PPEF1: variants seen among roughly 807,000 people sequenced by gnomAD.
The protein encoded by PPEF1 is serine/threonine-protein phosphatase with EF-hands 1.
Under a neutral mutation model 53.3 loss-of-function variants are expected in PPEF1, and 12 were observed. That is an observed-to-expected ratio of 0.23 (90% CI 0.14 to 0.36). PPEF1 has a LOEUF of 0.36. Ranked by LOEUF, PPEF1 falls within the 10% of genes least tolerant of loss-of-function variation. The probability of loss-of-function intolerance (pLI) is 1.00; values close to 1 mark genes in which losing one functional copy is unlikely to be tolerated. For missense variants in PPEF1, 334 were observed against 490.4 expected, an observed-to-expected ratio of 0.68 and a Z score of 3.01; for synonymous variants, 165 against 176.7, an observed-to-expected ratio of 0.93 and a Z score of 0.52.
upstream of PPEF1, among the ~76,000 whole-genome samples, chrX:18,679,655 T>C (rs1054097421): frequency 9.0e-6 from 1 of 111,381 alleles, no homozygotes; most frequent in Non-Finnish European, 1.9e-5. Context: ...CAGACTATTC[T>C]CCACACAGTA....
Position 18,821,786 on chromosome X carries a change from AGAGAGAGAGAGAGAG to A in PPEF1, c.1502-2136_1502-2122del, listed in dbSNP as rs200398860. On this transcript the variant is annotated intron_variant, in intron 13 of 15. Transcript: ENST00000470157. ...GAGAGAGAGAGAGAGAGAGAGAGAGAGAGAGAGAGAGAGAGAGAAAACAAATAACCAGTGCAAGTG... is the reference window on the plus strand; with the variant it reads ...GAGAGAGAGAGAGAGAGAGAGAGAGAAGAAAACAAATAACCAGTGCAAGTG... Among the ~76,000 whole-genome samples the A allele has an allele frequency of 1.5e-3, 152 of 103,554 alleles. 1 individual carries two copies. The highest frequency in any genetic ancestry group is 4.8e-3 in the Middle Eastern group (1 of 208). The allele number at this position is 103,554 out of a possible 115,157, so 89.9% of individuals were successfully genotyped here.
intron 3 of PPEF1, among the ~76,000 whole-genome samples, chrX:18,687,610 G>T (rs1460493037): frequency 9.0e-6 from 1 of 111,120 alleles, no homozygotes; most frequent in African/African-American, 3.3e-5. Context: ...TCCTGGAAAT[G>T]GTAGCTAATA....
At chrX:18,802,289 C>T (rs993372471) in intron 10 of PPEF1, among the ~76,000 whole-genome samples, 2 of 110,516 alleles carry the variant, frequency 1.8e-5, no homozygotes, top group African/African-American at 6.6e-5. Flanking sequence ...CCAGGCTGCT[C>T]TTGAATTCCT....
At chrX:18,824,171 G>T in intron 14 of PPEF1, 85 bp downstream of exon 14, 2 of 980,150 alleles carry the variant, frequency 2.0e-6, no homozygotes, top group Non-Finnish European at 2.7e-6. Flanking sequence ...GCCGGGCACA[G>T]TGGCTCACGC....
At chrX:18,691,719 T>C (rs748224905) in intron 4 of PPEF1, 11 of 112,023 alleles carry the variant, frequency 9.8e-5, no homozygotes, top group Non-Finnish European at 2.1e-4. Context: ...AAGAAACAGA[T>C]TGTGGCAATA....
chrX:18,716,307 T>C (rs1031172554), intron 1 of PPEF1, among the ~76,000 whole-genome samples: 1 of 109,595 alleles, frequency 9.1e-6, no homozygotes, highest in South Asian at 3.9e-4. Flanking sequence ...CCGAGGCGGG[T>C]GAATCACGAG....
At chrX:18,766,681 G>A (rs1213232903) in intron 6 of PPEF1, among the ~76,000 whole-genome samples, 4 of 112,308 alleles carry the variant, frequency 3.6e-5, no homozygotes, top group Non-Finnish European at 7.5e-5. Context: ...TGCCTGTCTG[G>A]CTACCCACCC....
intron 3 of PPEF1, among the ~76,000 whole-genome samples, chrX:18,737,364 G>A: frequency 8.9e-6 from 1 of 111,941 alleles, no homozygotes; most frequent in East Asian, 2.8e-4. Flanking sequence ...CTTTATTTCT[G>A]CCTTCATTTC....
rs1245089492 is a variant in PPEF1, at chrX:18,795,084, C to T, written c.1065+5811C>T. ...CAGCACTTTGGGAGGCTGAGGTGGG[C>T]GGATTGCTTGAGCCCAGGAGTTGGA... On this transcript the variant is annotated intron_variant, in intron 10 of 15. Coordinates refer to ENST00000470157, the MANE Select transcript of PPEF1 (RefSeq NM_001377996.1). Among the ~76,000 whole-genome samples the T allele has an allele frequency of 6.3e-5, 7 of 110,996 alleles. No individual in the cohort carries two copies. In the East Asian group the frequency reaches 1.1e-3, roughly 18 times the overall value.
chrX:18,710,289 A>G (rs2044294907), intron 1 of PPEF1, among the ~76,000 whole-genome samples: 1 of 111,805 alleles, frequency 8.9e-6, no homozygotes, highest in Non-Finnish European at 1.9e-5. Flanking sequence ...ATTTTCTCTC[A>G]TTTGTTGAAT....
chrX:18,683,751 T>C (rs1020799590), intron 1 of PPEF1, among the ~76,000 whole-genome samples: 2 of 111,656 alleles, frequency 1.8e-5, no homozygotes, highest in African/African-American at 6.5e-5. Flanking sequence ...CCATAGTTCA[T>C]CTCTTTCTGC....
chrX:18,680,017 A>G (rs112679117), upstream of PPEF1, among the ~76,000 whole-genome samples: 1 of 103,699 alleles, frequency 9.6e-6, no homozygotes, highest in African/African-American at 3.6e-5. Flanking sequence ...TGAGCCTGGG[A>G]GGCGGAGGTT....
intron 6 of PPEF1, among the ~76,000 whole-genome samples, chrX:18,771,184 C>T (rs2045864024): frequency 9.0e-6 from 1 of 111,445 alleles, no homozygotes; most frequent in South Asian, 3.7e-4. Flanking sequence ...AAGAAAGAAC[C>T]AATAAAATTT....
At chrX:18,795,435 A>G (rs1432189249) in intron 10 of PPEF1, among the ~76,000 whole-genome samples, 3 of 112,442 alleles carry the variant, frequency 2.7e-5, no homozygotes, top group Non-Finnish European at 3.8e-5. Context: ...GTCTATAAAC[A>G]TGGATGTAAA....
chrX:18,757,307 T>A (rs2045567591), intron 4 of PPEF1, among the ~76,000 whole-genome samples: 1 of 110,897 alleles, frequency 9.0e-6, no homozygotes, highest in African/African-American at 3.3e-5. Context: ...ATTCTCCCTC[T>A]CCTTTTTCTT....
At chrX:18,807,152 C>T (rs1371419155) in intron 12 of PPEF1, among the ~76,000 whole-genome samples, 2 of 110,916 alleles carry the variant, frequency 1.8e-5, no homozygotes, top group African/African-American at 6.6e-5. Context: ...GCCTCAGCCT[C>T]CTGAGTAGCT....
chrX:18,699,820 TTA>T (rs1224215267), intron 5 of PPEF1, among the ~76,000 whole-genome samples: 1 of 112,398 alleles, frequency 8.9e-6, no homozygotes, highest in Non-Finnish European at 1.9e-5. Flanking sequence ...GGAAAAATGT[TTA>T]GTTTTTCCAC....
chrX:18,771,186 A>G (rs1476679124), intron 6 of PPEF1, among the ~76,000 whole-genome samples: 1 of 111,862 alleles, frequency 8.9e-6, no homozygotes, highest in Non-Finnish European at 1.9e-5. Context: ...GAAAGAACCA[A>G]TAAAATTTGG....
intron 15 of PPEF1, among the ~76,000 whole-genome samples, chrX:18,827,018 T>C (rs1476656239): frequency 9.0e-6 from 1 of 111,684 alleles, no homozygotes; most frequent in Non-Finnish European, 1.9e-5. Context: ...TTTAGTCCCA[T>C]AGTCCACAAC....
Sources: gnomAD v4.1 joint callset for allele counts (sites outside exome capture counted in the v4.1 genomes callset) on GRCh38, gnomAD v4.1.1 for gene constraint, MANE v1.5 for transcripts, NCBI Gene and HGNC (gene_info 2026-07-23, HGNC 2026-07-21) for gene names.